The following MECOM variants were observed in gnomAD, a reference collection of about 807,000 sequenced individuals.
The protein encoded by MECOM is MDS1 and EVI1 complex locus.
A neutral mutation model predicts 116.3 loss-of-function variants in MECOM; 13 were observed. The ratio of observed to expected loss-of-function variants is 0.11; its 90% CI spans 0.07 to 0.18. The LOEUF is 0.18. MECOM is among the 10% of genes least tolerant of loss of function. The pLI, the probability that MECOM is intolerant of heterozygous loss-of-function variation, is 1.00. For synonymous variants in MECOM, 528 were observed against 535.2 expected (o/e 0.99, Z 0.19); for missense variants, 1,299 against 1,509.0 (o/e 0.86, Z 2.31).
intron 1 of MECOM, among the ~76,000 whole-genome samples, chr3:169,413,277 A>G (rs1423123388): frequency 6.6e-6 from 1 of 152,158 alleles, no homozygotes; most frequent in Admixed American, 6.5e-5. Context: ...CCCTTAGCCA[A>G]GGGAAGCCAT....
chr3:169,639,895 A>G (rs1178186026), intron 1 of MECOM, among the ~76,000 whole-genome samples: 4 of 152,218 alleles, frequency 2.6e-5, no homozygotes, highest in Non-Finnish European at 4.4e-5. Flanking sequence ...GTGAGTTATG[A>G]AAAGTTTATT....
intron 1 of MECOM, chr3:169,477,161 A>T (rs1750625769): frequency 8.5e-6 from 1 of 117,574 alleles, no homozygotes; most frequent in Non-Finnish European, 1.7e-5. Context: ...ACACACACAC[A>T]ATTTCATTTG....
intron 2 of MECOM, among the ~76,000 whole-genome samples, chr3:169,244,753 G>A (rs1045979978): frequency 6.6e-6 from 1 of 152,128 alleles, no homozygotes; most frequent in Admixed American, 6.5e-5. Context: ...TAACAAGTTT[G>A]GTCGGCTTCA....
At chr3:169,282,458 T>C (rs1712284209) in intron 2 of MECOM, among the ~76,000 whole-genome samples, 1 of 152,242 alleles carries the variant, frequency 6.6e-6, no homozygotes. Flanking sequence ...GGGTCTTTTA[T>C]AAAATATATT....
At chr3:169,311,297 G>T (rs578087608) in intron 2 of MECOM, among the ~76,000 whole-genome samples, 34 of 152,226 alleles carry the variant, frequency 2.2e-4, no homozygotes, top group Middle Eastern at 3.4e-3. Flanking sequence ...AAAAAACTTG[G>T]TAAGTTTATA....
intron 2 of MECOM, among the ~76,000 whole-genome samples, chr3:169,190,352 C>T (rs563493047): frequency 6.6e-6 from 1 of 151,932 alleles, no homozygotes; most frequent in Non-Finnish European, 1.5e-5. Flanking sequence ...TACACAGCTA[C>T]CCCTCATTCC....
intron 2 of MECOM, chr3:169,149,876 A>C: frequency 3.1e-6 from 1 of 324,086 alleles, no homozygotes; most frequent in South Asian, 2.6e-5. Context: ...AAATCATCAG[A>C]AGGACCTGGG....
At chr3:169,185,052 G>A (rs768051580) in intron 2 of MECOM, among the ~76,000 whole-genome samples, 35 of 152,092 alleles carry the variant, frequency 2.3e-4, no homozygotes, top group Non-Finnish European at 3.2e-4. Flanking sequence ...AGGAGAGGGC[G>A]GATATATTTC....
intron 3 of MECOM, among the ~76,000 whole-genome samples, chr3:169,136,734 T>C (rs1736472998): frequency 6.6e-6 from 1 of 152,098 alleles, no homozygotes; most frequent in South Asian, 2.1e-4. Flanking sequence ...TGATTTGAAG[T>C]ATTATGTTTG....
At chr3:169,642,438 C>T (rs1577245049) in intron 1 of MECOM, among the ~76,000 whole-genome samples, 1 of 144,244 alleles carries the variant, frequency 6.9e-6, no homozygotes, top group Non-Finnish European at 1.5e-5. Context: ...CAGAGCGAGA[C>T]TCCATCTCAA....
At chr3:169,538,939 T>C (rs1241832824) in intron 1 of MECOM, among the ~76,000 whole-genome samples, 1 of 152,072 alleles carries the variant, frequency 6.6e-6, no homozygotes, top group Admixed American at 6.6e-5. Flanking sequence ...CCTATATATG[T>C]ACTTATAACA....
chr3:169,470,774 G>A (rs1749096336), intron 1 of MECOM, among the ~76,000 whole-genome samples: 1 of 151,818 alleles, frequency 6.6e-6, no homozygotes, highest in Non-Finnish European at 1.5e-5. Context: ...CTATCATCTA[G>A]AAACCAAACA....
chr3:169,115,626 T>C lies in MECOM; in HGVS notation c.2246A>G (p.Lys749Arg). 3 of 1,614,154 alleles carry C rather than the reference T, an allele frequency of 1.9e-6. No individual in the cohort carries two copies. The highest frequency in any genetic ancestry group is 1.7e-6 in the Non-Finnish European group (2 of 1,180,028). The change falls in exon 8 of 17, where the codon AAG (lysine) becomes AGG (arginine). Residue 749 changes from lysine (K) to arginine (R), a missense_variant. Around this residue, in one of 6 missense-constraint regions of MECOM, gnomAD observed 340 missense variants for 312.6 expected, o/e 1.09. Transcript: ENST00000651503. ...GACTGGAGTCAAGGGCTTCTCATCC[T>C]TTCGCTTAGTGGTGAGATCAAAGGG... ...ESPFDLTTKR[K>R]DEKPLTPVPS...
intron 2 of MECOM, among the ~76,000 whole-genome samples, chr3:169,164,626 A>T (rs74597952): frequency 1.3e-5 from 2 of 152,198 alleles, no homozygotes; most frequent in African/African-American, 4.8e-5. Context: ...AGATTTCCCT[A>T]AAAACACAAA....
intron 2 of MECOM, among the ~76,000 whole-genome samples, chr3:169,362,413 G>C (rs1728453750): frequency 2.0e-5 from 3 of 151,812 alleles, no homozygotes; most frequent in African/African-American, 7.3e-5. Context: ...AGTCTGACTT[G>C]TGCAAAAATT....
intron 2 of MECOM, among the ~76,000 whole-genome samples, chr3:169,168,142 T>C (rs1252225913): frequency 6.6e-6 from 1 of 152,136 alleles, no homozygotes; most frequent in Non-Finnish European, 1.5e-5. Flanking sequence ...TATTTAGAAA[T>C]GCTTTAGATT....
chr3:169,300,036 A>G (rs1287832330), intron 2 of MECOM, among the ~76,000 whole-genome samples: 3 of 151,948 alleles, frequency 2.0e-5, no homozygotes, highest in East Asian at 3.9e-4. Context: ...AACTTAAGGG[A>G]CTCATTGTTT....
rs1286617591 is a variant in MECOM at position 169,663,535 on chromosome 3, CCTCCTGTTTCT to C, written c.-174_-164del. 2.6e-5 allele frequency: 16 copies of C among 622,884 alleles called. No homozygotes were observed. Among genetic ancestry groups the C allele is most frequent in the East Asian group, 8.8e-5 (3 of 34,198 alleles). The allele number at this position is 622,884 out of a possible 1,614,324, so 38.6% of individuals were successfully genotyped here. A position where few individuals can be genotyped will look rare whatever the true frequency, so the allele number is the denominator to read the frequency against. On this transcript the variant is annotated 5_prime_UTR_variant, in exon 1 of 17. Transcript: ENST00000651503. ...CTCTCTCTCTCTCTCTCTCTCCCTCCCTCCTGTTTCTCTCCTGTTTCTCTCTCTCTTCCACA... is the reference window on the plus strand; with the variant it reads ...CTCTCTCTCTCTCTCTCTCTCCCTCCCTCCTGTTTCTCTCTCTCTTCCACA...
At chr3:169,409,009 C>A (rs1032439661) in intron 1 of MECOM, among the ~76,000 whole-genome samples, 44 of 152,246 alleles carry the variant, frequency 2.9e-4, no homozygotes, top group African/African-American at 1.0e-3. Context: ...AACTCACAGA[C>A]CACAACAGAG....
Sources: allele counts gnomAD v4.1 joint callset (sites outside exome capture counted in the v4.1 genomes callset), GRCh38; gene constraint gnomAD v4.1.1; regional missense constraint gnomAD v4.1.1; transcripts MANE v1.5; gene names NCBI Gene and HGNC (gene_info 2026-07-23, HGNC 2026-07-21).